Variants in KCNJ16 observed in about 807,000 individuals in gnomAD.
KCNJ16 encodes inward rectifier potassium channel 16.
KCNJ16 carries 15 observed loss-of-function variants against 18.5 expected under a neutral mutation model. That is an observed-to-expected ratio of 0.81 (90% CI 0.54 to 1.25). The LOEUF is 1.25. Among genes scored for constraint, KCNJ16 ranks in the 50% most tolerant of loss-of-function variants. KCNJ16 has a pLI of 0.00. For missense variants in KCNJ16, 523 were observed against 525.7 expected (o/e 0.99, Z 0.05); for synonymous variants, 174 against 186.5 (o/e 0.93, Z 0.55).
At chr17:70,093,431 T>C (rs2072214307) in intron 1 of KCNJ16, among the ~76,000 whole-genome samples, 1 of 152,188 alleles carries the variant, frequency 6.6e-6, no homozygotes, top group African/African-American at 2.4e-5. Flanking sequence ...TGTGTGTCTG[T>C]GTCCAGATCT....
chr17:70,107,777 T>C (rs1193501281), intron 2 of KCNJ16, among the ~76,000 whole-genome samples: 1 of 152,164 alleles, frequency 6.6e-6, no homozygotes, highest in Non-Finnish European at 1.5e-5. Flanking sequence ...TGGAAAGACT[T>C]TCACCACTGT....
chr17:70,132,455 TG>T lies in KCNJ16; in HGVS notation c.369del (p.Leu123PhefsTer4). The T allele has an allele frequency of 6.2e-7, 1 of 1,614,192 alleles. No individual in the cohort carries two copies. The highest frequency in any genetic ancestry group is 8.5e-7 in the Non-Finnish European group (1 of 1,180,030). ...GTCCATTCTTTCACAGGGGCCTTTT[TG>T]TTCTCCCTAGAGACCCAAACCACCA... ...DNVHSFTGAF[L>X]FSLETQTTIG... On this transcript the variant is annotated frameshift_variant, in exon 4 of 4. Coordinates refer to ENST00000392671, the MANE Select transcript of KCNJ16 (RefSeq NM_170741.4). LOFTEE classifies it high-confidence loss of function.
intron 1 of KCNJ16, among the ~76,000 whole-genome samples, chr17:70,082,424 C>G (rs1658077743): frequency 6.6e-6 from 1 of 152,128 alleles, no homozygotes; most frequent in Non-Finnish European, 1.5e-5. Flanking sequence ...CCACTTGAAA[C>G]TATAATTCTA....
chr17:70,106,976 T>C (rs547260144), intron 2 of KCNJ16, among the ~76,000 whole-genome samples: 1 of 152,280 alleles, frequency 6.6e-6, no homozygotes, highest in East Asian at 1.9e-4. Context: ...AAGTGGCTTT[T>C]TCCTGATGGT....
At chr17:70,118,331 C>G (rs143032734) in intron 2 of KCNJ16, among the ~76,000 whole-genome samples, 1,574 of 151,792 alleles carry the variant, frequency 0.01, 33 homozygotes, top group African/African-American at 0.037. Flanking sequence ...ATGGGTGCAG[C>G]AAACCACCAT....
At chr17:70,118,420 AAAAT>A (rs1306926653) in intron 2 of KCNJ16, among the ~76,000 whole-genome samples, 7 of 152,296 alleles carry the variant, frequency 4.6e-5, no homozygotes, top group Admixed American at 3.3e-4. Context: ...TAAAAAAAGA[AAAAT>A]AAATAAATAA....
At chr17:70,075,794 T>C (rs1426750370) in intron 1 of KCNJ16, among the ~76,000 whole-genome samples, 3 of 151,798 alleles carry the variant, frequency 2.0e-5, no homozygotes, top group Admixed American at 6.6e-5. Flanking sequence ...TTGAAAAATA[T>C]GTATTTTATA....
intron 2 of KCNJ16, among the ~76,000 whole-genome samples, chr17:70,125,570 T>C (rs933516725): frequency 1.3e-5 from 2 of 152,138 alleles, no homozygotes; most frequent in Non-Finnish European, 2.9e-5. Flanking sequence ...TGAGGGTTCT[T>C]GGATCTTGCG....
intron 1 of KCNJ16, among the ~76,000 whole-genome samples, chr17:70,089,771 A>G (rs897640791): frequency 2.6e-5 from 4 of 152,350 alleles, no homozygotes; most frequent in South Asian, 4.1e-4. Flanking sequence ...AAAAAGATTA[A>G]AAGTTAGTTA....
chr17:70,104,667 T>C lies in KCNJ16; in HGVS notation c.-191+3901T>C, dbSNP rs1298212783. 2.0e-5 allele frequency among the ~76,000 whole-genome samples: 3 copies of C among 152,270 alleles called. No individual in the cohort carries two copies. In the East Asian group the frequency reaches 5.8e-4, roughly 29 times the overall value. On this transcript the variant is annotated intron_variant, in intron 2 of 3. Transcript: ENST00000392671. The stretch of plus-strand genomic sequence containing the variant: ...TAGGGGTAATGTGTGGCCACTTTTG[T>C]GATATGGAAAGATTTTTATTATTAT...
intron 1 of KCNJ16, among the ~76,000 whole-genome samples, chr17:70,094,108 C>T (rs1018876212): frequency 2.6e-5 from 4 of 152,154 alleles, no homozygotes; most frequent in Non-Finnish European, 5.9e-5. Flanking sequence ...AGGTTTTCTT[C>T]CATAATGTCT....
At chr17:70,093,204 C>T (rs978679978) in intron 1 of KCNJ16, among the ~76,000 whole-genome samples, 2 of 152,200 alleles carry the variant, frequency 1.3e-5, no homozygotes, top group Admixed American at 6.5e-5. Flanking sequence ...GCTGCTTTGA[C>T]AAAGCATTGC....
intron 1 of KCNJ16, among the ~76,000 whole-genome samples, chr17:70,090,676 G>A (rs113230678): frequency 1.0e-4 from 15 of 147,918 alleles, no homozygotes; most frequent in Admixed American, 2.7e-4. Flanking sequence ...TCACAATACC[G>A]CTAACCCACT....
intron 1 of KCNJ16, among the ~76,000 whole-genome samples, chr17:70,086,014 A>T (rs924018427): frequency 3.3e-5 from 5 of 152,218 alleles, no homozygotes; most frequent in African/African-American, 1.2e-4. Context: ...TTTATACCAA[A>T]TATTCAACTG....
intron 1 of KCNJ16, among the ~76,000 whole-genome samples, chr17:70,095,570 C>T (rs909024123): frequency 6.6e-6 from 1 of 152,198 alleles, no homozygotes; most frequent in Admixed American, 6.5e-5. Flanking sequence ...CCTCTGCCTG[C>T]CTGTGAGTCT....
At chr17:70,088,293 C>A (rs563916864) in intron 1 of KCNJ16, among the ~76,000 whole-genome samples, 1 of 152,130 alleles carries the variant, frequency 6.6e-6, no homozygotes, top group Non-Finnish European at 1.5e-5. Flanking sequence ...TCATAAGGAG[C>A]GCACAACCTA....
chr17:70,106,715 C>T (rs896842168), intron 2 of KCNJ16, among the ~76,000 whole-genome samples: 20 of 152,186 alleles, frequency 1.3e-4, no homozygotes, highest in African/African-American at 4.6e-4. Flanking sequence ...CAGACATCCA[C>T]ATTCCACCCT....
intron 2 of KCNJ16, among the ~76,000 whole-genome samples, chr17:70,103,335 T>C (rs370007460): frequency 2.3e-5 from 1 of 43,688 alleles, no homozygotes; most frequent in South Asian, 6.1e-4. Context: ...CACACATATA[T>C]ATATATTTTT....
chr17:70,106,664 T>G (rs1011128718), intron 2 of KCNJ16, among the ~76,000 whole-genome samples: 2 of 152,214 alleles, frequency 1.3e-5, no homozygotes, highest in African/African-American at 4.8e-5. Context: ...GACCTGCTTC[T>G]GCCATGGTTT....
Sources: allele counts gnomAD v4.1 joint callset (sites outside exome capture counted in the v4.1 genomes callset), GRCh38; gene constraint gnomAD v4.1.1; transcripts MANE v1.5; gene names NCBI Gene and HGNC (gene_info 2026-07-23, HGNC 2026-07-21).